The following EIF4G3 variants were observed in gnomAD, a reference collection of about 807,000 sequenced individuals.
The protein encoded by EIF4G3 is eIF-4-gamma 3.
A neutral mutation model predicts 186.4 loss-of-function variants in EIF4G3; 34 were observed. The observed-to-expected ratio is 0.18, with a 90% CI of 0.14 to 0.24. The LOEUF is 0.24. EIF4G3 is among the 10% of genes least tolerant of loss of function. The pLI, the probability that EIF4G3 is intolerant of heterozygous loss-of-function variation, is 1.00. For synonymous variants in EIF4G3, 673 were observed against 679.5 expected (o/e 0.99, Z 0.15); for missense variants, 1,536 against 1,948.5 (o/e 0.79, Z 3.99).
intron 14 of EIF4G3, among the ~76,000 whole-genome samples, chr1:20,912,577 T>G (rs2093375979): frequency 6.6e-6 from 1 of 152,188 alleles, no homozygotes; most frequent in Non-Finnish European, 1.5e-5. Flanking sequence ...TATAGACACT[T>G]CACTAATGCT....
At chr1:21,018,832 T>G (rs368390891) in intron 4 of EIF4G3, among the ~76,000 whole-genome samples, 1 of 151,996 alleles carries the variant, frequency 6.6e-6, no homozygotes, top group Non-Finnish European at 1.5e-5. Flanking sequence ...TTGCCATGAG[T>G]AGAAGCTTCC....
At chr1:21,007,538 C>CAAAAAAA (rs1471121881) in intron 4 of EIF4G3, among the ~76,000 whole-genome samples, 5 of 58,520 alleles carry the variant, frequency 8.5e-5, no homozygotes, top group East Asian at 1.2e-3. Context: ...AAAAAAAAAA[C>CAAAAAAA]ACACTCAAAA....
chr1:20,887,156 G>A (rs1249496397), intron 18 of EIF4G3, among the ~76,000 whole-genome samples: 1 of 151,908 alleles, frequency 6.6e-6, no homozygotes, highest in Non-Finnish European at 1.5e-5. Context: ...CCTGCTGCAT[G>A]TTGACAACCT....
chr1:20,818,192 T>A (rs1571024338), intron 33 of EIF4G3, among the ~76,000 whole-genome samples: 2 of 152,118 alleles, frequency 1.3e-5, no homozygotes, highest in Non-Finnish European at 2.9e-5. Flanking sequence ...ACAATTTCAC[T>A]CTCTTTCTGC....
chr1:20,981,895 G>C (rs561691277), intron 8 of EIF4G3, among the ~76,000 whole-genome samples: 1 of 152,160 alleles, frequency 6.6e-6, no homozygotes, highest in South Asian at 2.1e-4. Context: ...AACTGACTCT[G>C]ATAAAGAGTA....
At chr1:21,145,436 T>G (rs1474220971) in intron 2 of EIF4G3, among the ~76,000 whole-genome samples, 2 of 141,438 alleles carry the variant, frequency 1.4e-5, no homozygotes, top group East Asian at 4.0e-4. Flanking sequence ...ATTTTATGCC[T>G]TTTTTTTTTT....
At chr1:20,857,130 T>A (rs1031465556) in intron 25 of EIF4G3, among the ~76,000 whole-genome samples, 12 of 114,508 alleles carry the variant, frequency 1.0e-4, no homozygotes. Context: ...GCCACTGCAC[T>A]CCAGCCTGGG....
intron 33 of EIF4G3, 143 bp from the exon 34 acceptor site, chr1:20,817,681 GTTT>G (rs34471464): frequency 0.029 from 4,371 of 149,660 alleles, 6 homozygotes; most frequent in East Asian, 0.059. Flanking sequence ...TATGTTTGTA[GTTT>G]TTTTTTTTTT....
intron 14 of EIF4G3, among the ~76,000 whole-genome samples, chr1:20,926,251 C>G (rs530441568): frequency 6.6e-6 from 1 of 152,140 alleles, no homozygotes; most frequent in Non-Finnish European, 1.5e-5. Flanking sequence ...ACTATATAAC[C>G]TTCAGCAAGT....
chr1:20,820,813 G>C (rs6679845), intron 33 of EIF4G3, among the ~76,000 whole-genome samples: 143,445 of 152,000 alleles, frequency 0.94, 68,233 homozygotes, highest in Middle Eastern at 1. Context: ...GACCTGCCAG[G>C]AGAGAGGAGG....
In EIF4G3 at chr1:20,840,882, T is replaced by C; in HGVS notation, c.4035A>G (p.Lys1345=). Residue 1345 remains lysine, a synonymous_variant, in exon 30 of 37, where the codon AAA becomes AAG. Transcript: ENST00000602326. ...QLLYQLVQSE[K]LSKQDFFKGF... ...CTTTGAAAAAGTCCTGTTTGCTGAG[T>C]TTTTCTGACTGTACCAGCTGATAGA... 1 of 1,613,984 alleles carries C rather than the reference T, an allele frequency of 6.2e-7. No individual in the cohort carries two copies. The highest frequency in any genetic ancestry group is 8.5e-7 in the Non-Finnish European group (1 of 1,179,988).
Position 20,875,587 on chromosome 1 carries a change from A to G in EIF4G3, c.2622+3736T>C, listed in dbSNP as rs564496874. Among the ~76,000 whole-genome samples the G allele has an allele frequency of 1.6e-4, 24 of 152,358 alleles. No homozygotes were observed. The East Asian group carries it at 4.4e-3, about 28-fold the overall frequency. Reference sequence around the variant, plus strand: ...AAAGCACATATGTTAGTCATATTTCAATAAAAAAGTTTAAAACATTAAAAA... The same window carrying G: ...AAAGCACATATGTTAGTCATATTTCGATAAAAAAGTTTAAAACATTAAAAA... On this transcript the variant is annotated intron_variant, in intron 20 of 36. Transcript: ENST00000602326.
intron 2 of EIF4G3, among the ~76,000 whole-genome samples, chr1:21,132,317 T>C (rs1024994265): frequency 6.6e-6 from 1 of 152,156 alleles, no homozygotes; most frequent in Non-Finnish European, 1.5e-5. Flanking sequence ...CTTGGAATGC[T>C]CTGGAGGAGC....
chr1:21,110,591 G>A (rs2096707595), intron 2 of EIF4G3, among the ~76,000 whole-genome samples: 2 of 151,586 alleles, frequency 1.3e-5, no homozygotes, highest in Admixed American at 1.3e-4. Context: ...CACCACGCCT[G>A]GCCTAATTTT....
chr1:20,878,520 A>G (rs939590891), intron 20 of EIF4G3, among the ~76,000 whole-genome samples: 2 of 152,216 alleles, frequency 1.3e-5, no homozygotes, highest in African/African-American at 2.4e-5. Context: ...TCCAAACCCC[A>G]AAAGACTTAC....
intron 4 of EIF4G3, among the ~76,000 whole-genome samples, chr1:21,026,068 G>C (rs2092037610): frequency 6.6e-6 from 1 of 152,172 alleles, no homozygotes; most frequent in African/African-American, 2.4e-5. Context: ...ATATTCATAT[G>C]TATTCTCAAG....
At chr1:20,912,622 T>C (rs2093382842) in intron 14 of EIF4G3, among the ~76,000 whole-genome samples, 1 of 152,226 alleles carries the variant, frequency 6.6e-6, no homozygotes, top group Non-Finnish European at 1.5e-5. Flanking sequence ...CACAGAGTTG[T>C]GCATAAACAA....
chr1:20,975,083 C>T (rs964483056), intron 10 of EIF4G3, among the ~76,000 whole-genome samples: 38 of 151,958 alleles, frequency 2.5e-4, no homozygotes, highest in Admixed American at 4.6e-4. Context: ...TTTGCTGAAT[C>T]AGATTTGGAA....
intron 12 of EIF4G3, among the ~76,000 whole-genome samples, chr1:20,950,646 ATG>A (rs2096170804): frequency 6.6e-6 from 1 of 152,200 alleles, no homozygotes; most frequent in South Asian, 2.1e-4. Context: ...CTTTGAAAGT[ATG>A]TAATAAAGCA....
Sources: gnomAD v4.1 joint callset for allele counts (sites outside exome capture counted in the v4.1 genomes callset) on GRCh38, gnomAD v4.1.1 for gene constraint, MANE v1.5 for transcripts, NCBI Gene and HGNC (gene_info 2026-07-23, HGNC 2026-07-21) for gene names.